The following TEAD1 variants were observed in gnomAD, a reference collection of about 807,000 sequenced individuals.
TEAD1 encodes the protein transcriptional enhancer factor TEF-1.
In TEAD1, 9 loss-of-function variants were observed where a neutral mutation model predicts 54.9. The ratio of observed to expected loss-of-function variants is 0.16; its 90% CI spans 0.10 to 0.29. The LOEUF is 0.29. Among genes scored for constraint, TEAD1 ranks in the 10% least tolerant of loss-of-function variants. TEAD1 has a pLI of 1.00. For synonymous variants in TEAD1, 200 were observed against 187.8 expected, an observed-to-expected ratio of 1.07 and a Z score of -0.53; for missense variants, 387 against 535.9, an observed-to-expected ratio of 0.72 and a Z score of 2.74.
chr11:12,798,956 C>G (rs755955749), intron 3 of TEAD1, among the ~76,000 whole-genome samples: 4 of 150,046 alleles, frequency 2.7e-5, no homozygotes, highest in Non-Finnish European at 5.9e-5. Flanking sequence ...AACAACAAAA[C>G]CCCCCCCAGG....
chr11:12,854,099 T>C (rs547701352), intron 3 of TEAD1, among the ~76,000 whole-genome samples: 2 of 152,282 alleles, frequency 1.3e-5, no homozygotes, highest in South Asian at 2.1e-4. Flanking sequence ...CCTGGCTGTT[T>C]CTGGTGATTT....
intron 9 of TEAD1, among the ~76,000 whole-genome samples, chr11:12,884,196 C>A (rs1480522855): frequency 6.6e-6 from 1 of 152,036 alleles, no homozygotes. Flanking sequence ...CATATGTGAT[C>A]CTCCCTTCTT....
At chr11:12,923,262 C>G (rs922215129) in intron 10 of TEAD1, among the ~76,000 whole-genome samples, 1 of 152,140 alleles carries the variant, frequency 6.6e-6, no homozygotes, top group East Asian at 1.9e-4. Context: ...CTTGCTTTCT[C>G]TTTAGCGCTT....
intron 3 of TEAD1, among the ~76,000 whole-genome samples, chr11:12,807,246 C>T (rs1468821874): frequency 1.3e-5 from 2 of 152,174 alleles, no homozygotes; most frequent in Non-Finnish European, 2.9e-5. Context: ...TGCAGCTGGT[C>T]AACCTTTAGT....
intron 10 of TEAD1, among the ~76,000 whole-genome samples, chr11:12,902,386 C>T (rs1309076217): frequency 1.3e-5 from 2 of 152,264 alleles, no homozygotes; most frequent in African/African-American, 4.8e-5. Flanking sequence ...ATTCCCGGAG[C>T]TGGGATGAAA....
intron 10 of TEAD1, among the ~76,000 whole-genome samples, chr11:12,911,942 A>G (rs1589982733): frequency 6.6e-6 from 1 of 151,770 alleles, no homozygotes; most frequent in Non-Finnish European, 1.5e-5. Context: ...AATGTATATA[A>G]TAGATTTTCA....
intron 7 of TEAD1, 53 bp downstream of exon 7, chr11:12,881,104 G>A (rs372327845): frequency 4.4e-6 from 7 of 1,584,404 alleles, no homozygotes; most frequent in Middle Eastern, 1.8e-4. Context: ...CCCAGCCCAC[G>A]TGGGGAGAGC....
At chr11:12,692,904 C>T (rs1450465718) in intron 2 of TEAD1, among the ~76,000 whole-genome samples, 1 of 152,212 alleles carries the variant, frequency 6.6e-6, no homozygotes, top group Non-Finnish European at 1.5e-5. Flanking sequence ...TCCTCCACCC[C>T]CACCCCACAG....
rs540283856 is a variant in TEAD1 at position 12,838,770 on chromosome 11, A to G, written c.203-23480A>G. Reference sequence around the variant, plus strand: ...TCTAAAGTGTTTTCTAGAGCCAAACATTTCTGATTCTCTAATATTAAAGTC... The same window carrying G: ...TCTAAAGTGTTTTCTAGAGCCAAACGTTTCTGATTCTCTAATATTAAAGTC... On this transcript the variant is annotated intron_variant, in intron 3 of 12. Coordinates refer to ENST00000527636, the MANE Select transcript of TEAD1 (RefSeq NM_021961.6). Among the ~76,000 whole-genome samples, 10 of 152,334 alleles carry G rather than the reference A, an allele frequency of 6.6e-5. No individual in the cohort carries two copies. In the East Asian group the frequency reaches 1.9e-3, roughly 29 times the overall value.
chr11:12,870,562 GC>G (rs369632839), intron 5 of TEAD1, among the ~76,000 whole-genome samples: 404 of 151,420 alleles, frequency 2.7e-3, no homozygotes, highest in African/African-American at 9.5e-3. Flanking sequence ...TTTCTCCCCC[GC>G]CCCCCCCGGG....
chr11:12,683,630 G>A (rs1047935798), intron 2 of TEAD1, among the ~76,000 whole-genome samples: 40 of 152,100 alleles, frequency 2.6e-4, no homozygotes, highest in Non-Finnish European at 5.0e-4. Context: ...GTTGGGAGTA[G>A]GTTGTTAGAA....
chr11:12,901,337 C>T (rs1408332453), intron 9 of TEAD1, among the ~76,000 whole-genome samples: 1 of 152,098 alleles, frequency 6.6e-6, no homozygotes, highest in Admixed American at 6.5e-5. Context: ...TGTAGATCTT[C>T]TCTGTGATCT....
chr11:12,817,838 A>G (rs1235558829), intron 3 of TEAD1, among the ~76,000 whole-genome samples: 1 of 152,226 alleles, frequency 6.6e-6, no homozygotes, highest in Non-Finnish European at 1.5e-5. Context: ...ATTGAAACAC[A>G]GTCCTCTGAC....
intron 2 of TEAD1, among the ~76,000 whole-genome samples, chr11:12,690,199 G>A (rs960292056): frequency 5.7e-5 from 8 of 141,320 alleles, no homozygotes; most frequent in Non-Finnish European, 9.0e-5. Flanking sequence ...CTGAGATTGC[G>A]CCACTGCACT....
chr11:12,850,973 A>G lies in TEAD1; in HGVS notation c.203-11277A>G, dbSNP rs1042147838. 5 of 737,120 alleles carry G rather than the reference A, an allele frequency of 6.8e-6. No homozygotes were observed. The South Asian group carries it at 1.8e-4, about 27-fold the overall frequency. The allele number at this position is 737,120 out of a possible 1,614,324, so 45.7% of individuals were successfully genotyped here. ...AAAAATTGTGCCACTTCTCACTGAA[A>G]TAGTTGCAACTTTAAAAGGATTTAC... is the stretch of plus-strand genomic sequence containing the variant. On this transcript the variant is annotated intron_variant, in intron 3 of 12. Coordinates refer to ENST00000527636, the MANE Select transcript of TEAD1 (RefSeq NM_021961.6).
intron 2 of TEAD1, among the ~76,000 whole-genome samples, chr11:12,730,344 A>G (rs1229532674): frequency 6.6e-6 from 1 of 151,398 alleles, no homozygotes; most frequent in Admixed American, 6.6e-5. Context: ...TAGAGATTAA[A>G]GTGACTTGTT....
chr11:12,792,497 A>G (rs1483728132), intron 3 of TEAD1, among the ~76,000 whole-genome samples: 2 of 151,968 alleles, frequency 1.3e-5, no homozygotes, highest in South Asian at 2.1e-4. Flanking sequence ...TCATGTCTGT[A>G]TGCTAACCGC....
chr11:12,856,840 C>T lies in TEAD1; in HGVS notation c.203-5410C>T, dbSNP rs547899476. Among the ~76,000 whole-genome samples the T allele has an allele frequency of 1.3e-4, 20 of 152,036 alleles. No homozygotes were observed. In the South Asian group the frequency reaches 3.5e-3, roughly 27 times the overall value. On this transcript the variant is annotated intron_variant, in intron 3 of 12. Coordinates refer to ENST00000527636, the MANE Select transcript of TEAD1 (RefSeq NM_021961.6). ...TGTGAGTTTGCCTTAGGACTGGCCA[C>T]GGCCAGGGAAGAGAAGCATTGCATT...
intron 2 of TEAD1, among the ~76,000 whole-genome samples, chr11:12,713,064 G>T (rs1443719573): frequency 6.6e-6 from 1 of 152,104 alleles, no homozygotes. Flanking sequence ...CCATTGCCTG[G>T]GCTGGAGTGC....
Sources: allele counts gnomAD v4.1 joint callset (sites outside exome capture counted in the v4.1 genomes callset), GRCh38; gene constraint gnomAD v4.1.1; transcripts MANE v1.5; gene names NCBI Gene and HGNC (gene_info 2026-07-23, HGNC 2026-07-21).